Variants in ZBTB20 observed in about 807,000 individuals in gnomAD.
ZBTB20 encodes zinc finger and BTB domain-containing protein 20.
Under a neutral mutation model 56.9 loss-of-function variants are expected in ZBTB20, and 9 were observed. That is an observed-to-expected ratio of 0.16 (90% CI 0.10 to 0.28). The LOEUF is 0.28. Among genes scored for constraint, ZBTB20 ranks in the 10% least tolerant of loss-of-function variants. The pLI is 1.00. For synonymous variants in ZBTB20, 417 were observed against 420.7 expected (o/e 0.99, Z 0.11); for missense variants, 655 against 1,003.0 (o/e 0.65, Z 4.69).
chr3:114,357,958 C>A (rs1327940749), intron 10 of ZBTB20, among the ~76,000 whole-genome samples: 1 of 152,118 alleles, frequency 6.6e-6, no homozygotes, highest in Non-Finnish European at 1.5e-5. Flanking sequence ...CTAATATTAG[C>A]AGAAATCTGG....
chr3:114,828,524 T>C (rs2073673918), intron 4 of ZBTB20, among the ~76,000 whole-genome samples: 1 of 151,878 alleles, frequency 6.6e-6, no homozygotes, highest in Non-Finnish European at 1.5e-5. Flanking sequence ...ATGTTTCTAT[T>C]TGTTTATTAG....
At chr3:114,507,765 T>C (rs2044807980) in intron 6 of ZBTB20, among the ~76,000 whole-genome samples, 1 of 152,144 alleles carries the variant, frequency 6.6e-6, no homozygotes, top group South Asian at 2.1e-4. Context: ...TAAAATTCTA[T>C]AAAATGTTCA....
chr3:114,840,679 G>C (rs1308806580), intron 4 of ZBTB20, among the ~76,000 whole-genome samples: 2 of 152,086 alleles, frequency 1.3e-5, no homozygotes, highest in Non-Finnish European at 2.9e-5. Flanking sequence ...ATAATTTCTA[G>C]GACAGAGTAG....
intron 4 of ZBTB20, among the ~76,000 whole-genome samples, chr3:114,885,631 T>G (rs2076576549): frequency 6.6e-6 from 1 of 152,196 alleles, no homozygotes; most frequent in Non-Finnish European, 1.5e-5. Context: ...TCAATTAATG[T>G]GTTTTGGGTG....
intron 6 of ZBTB20, among the ~76,000 whole-genome samples, chr3:114,546,294 T>A (rs1474541416): frequency 1.3e-5 from 2 of 152,202 alleles, no homozygotes; most frequent in Non-Finnish European, 2.9e-5. Context: ...TAAACCCATT[T>A]GAATATTATA....
intron 5 of ZBTB20, among the ~76,000 whole-genome samples, chr3:114,767,557 G>A (rs2068869120): frequency 6.6e-6 from 1 of 151,482 alleles, no homozygotes; most frequent in South Asian, 2.1e-4. Context: ...AAGAAAGGAA[G>A]TGAGGGAGAA....
At chr3:115,038,004 T>C (rs747011079) in intron 2 of ZBTB20, among the ~76,000 whole-genome samples, 4 of 152,234 alleles carry the variant, frequency 2.6e-5, no homozygotes, top group Non-Finnish European at 5.9e-5. Flanking sequence ...ATCCTTACAA[T>C]AGAAAACTTA....
rs372238016 is a variant in ZBTB20, at chr3:114,850,808, A to T, written c.-417+49496T>A. ...TTAAAATGATCTAACCCATGGCCTA[A>T]AGCTCCAGGTGGAGAGAGGATGTTT... On this transcript the variant is annotated intron_variant, in intron 4 of 11. Coordinates refer to ENST00000675478, the MANE Select transcript of ZBTB20 (RefSeq NM_001348800.3). Among the ~76,000 whole-genome samples the T allele has an allele frequency of 7.9e-5, 12 of 152,326 alleles. No homozygotes were observed. The South Asian group carries it at 2.5e-3, about 32-fold the overall frequency.
rs1392672587 is a variant in ZBTB20 at position 114,754,131 on chromosome 3, C to T, written c.-343+46970G>A. On this transcript the variant is annotated intron_variant, in intron 5 of 11. Coordinates refer to ENST00000675478, the MANE Select transcript of ZBTB20 (RefSeq NM_001348800.3). Reference sequence around the variant, plus strand: ...AGCAAAGAGTGCCACGTGAGAGGTGCTTGGGCCCCTTCATACTGTGCCTCA... The same window carrying T: ...AGCAAAGAGTGCCACGTGAGAGGTGTTTGGGCCCCTTCATACTGTGCCTCA... Among the ~76,000 whole-genome samples the T allele has an allele frequency of 2.0e-5, 3 of 152,140 alleles. No homozygotes were observed. The East Asian group carries it at 5.8e-4, about 29-fold the overall frequency.
intron 3 of ZBTB20, among the ~76,000 whole-genome samples, chr3:114,919,348 T>A (rs1160928817): frequency 6.6e-6 from 1 of 151,790 alleles, no homozygotes; most frequent in African/African-American, 2.4e-5. Flanking sequence ...AATAGAGACA[T>A]GAATCAAAGC....
At chr3:114,610,283 T>C (rs1022809738) in intron 6 of ZBTB20, among the ~76,000 whole-genome samples, 3 of 152,218 alleles carry the variant, frequency 2.0e-5, no homozygotes, top group African/African-American at 4.8e-5. Context: ...TCTAGTGGTA[T>C]AACAAATGCA....
intron 7 of ZBTB20, among the ~76,000 whole-genome samples, chr3:114,429,733 C>T (rs1474990520): frequency 6.6e-6 from 1 of 151,882 alleles, no homozygotes; most frequent in African/African-American, 2.4e-5. Flanking sequence ...AATAATGATA[C>T]CACAATGAAA....
intron 6 of ZBTB20, among the ~76,000 whole-genome samples, chr3:114,690,886 G>A (rs1430344871): frequency 6.6e-6 from 1 of 152,076 alleles, no homozygotes; most frequent in African/African-American, 2.4e-5. Flanking sequence ...TAAGTAATAA[G>A]GGGACTATGC....
chr3:114,526,910 C>G (rs1361878258), intron 6 of ZBTB20, among the ~76,000 whole-genome samples: 4 of 152,160 alleles, frequency 2.6e-5, no homozygotes, highest in Non-Finnish European at 5.9e-5. Flanking sequence ...TGCCTGCTCT[C>G]CAGCTCCCCC....
Position 114,594,117 on chromosome 3 carries a change from AAAG to A in ZBTB20, c.-294-93729_-294-93727del, listed in dbSNP as rs1312097899. 9.2e-5 allele frequency among the ~76,000 whole-genome samples: 14 copies of A among 152,314 alleles called. No individual in the cohort carries two copies. In the East Asian group the frequency reaches 2.3e-3, roughly 25 times the overall value. The stretch of plus-strand genomic sequence containing the variant: ...AGCTGAGGAAGTTGCTAGGATTTCT[AAAG>A]AAGAAGAATCCAAATCTTGCCTACT... On this transcript the variant is annotated intron_variant, in intron 6 of 11. Transcript: ENST00000675478.
rs111542125 is a variant in ZBTB20 at position 114,925,819 on chromosome 3, C to T, written c.-455-25477G>A. ...GGGATTACAGGTGTGAGCCACTGTG[C>T]CTGGCCAATTATGGGTTTTAACTTA... On this transcript the variant is annotated intron_variant, in intron 3 of 11. Coordinates refer to ENST00000675478, the MANE Select transcript of ZBTB20 (RefSeq NM_001348800.3). Among the ~76,000 whole-genome samples, 660 of 152,252 alleles carry T rather than the reference C, an allele frequency of 4.3e-3. 9 individuals are homozygous for T. Among genetic ancestry groups the T allele is most frequent in the African/African-American group, 0.015 (639 of 41,550 alleles).
chr3:115,122,511 A>G (rs1367454323), intron 1 of ZBTB20, among the ~76,000 whole-genome samples: 1 of 152,074 alleles, frequency 6.6e-6, no homozygotes, highest in African/African-American at 2.4e-5. Context: ...ATCAAGTCAA[A>G]TTATGTCTCC....
chr3:114,538,841 C>A (rs1035090574), intron 6 of ZBTB20, among the ~76,000 whole-genome samples: 3 of 152,108 alleles, frequency 2.0e-5, no homozygotes, highest in African/African-American at 7.2e-5. Flanking sequence ...ATTAAAAAAT[C>A]TCAAAAATAA....
At chr3:114,426,225 G>A (rs1327209178) in intron 7 of ZBTB20, among the ~76,000 whole-genome samples, 1 of 151,810 alleles carries the variant, frequency 6.6e-6, no homozygotes, top group Non-Finnish European at 1.5e-5. Context: ...TGTAGTCCCA[G>A]CTACTTGGGA....
Sources: allele counts gnomAD v4.1 joint callset (sites outside exome capture counted in the v4.1 genomes callset), GRCh38; gene constraint gnomAD v4.1.1; transcripts MANE v1.5; gene names NCBI Gene and HGNC (gene_info 2026-07-23, HGNC 2026-07-21).